The following ITGA9 variants were observed in gnomAD, a reference collection of about 807,000 sequenced individuals.
ITGA9 encodes integrin alpha-9.
ITGA9 carries 56 observed loss-of-function variants against 127.8 expected under a neutral mutation model. The observed-to-expected ratio is 0.44, with a 90% confidence interval of 0.35 to 0.55. ITGA9 has a LOEUF of 0.55. ITGA9 is among the 20% of genes least tolerant of loss of function. The probability of loss-of-function intolerance (pLI) is 0.00; values close to 1 mark genes in which losing one functional copy is unlikely to be tolerated. For missense variants in ITGA9, 1,196 were observed against 1,347.1 expected, an observed-to-expected ratio of 0.89 and a Z score of 1.76; for synonymous variants, 508 against 514.5, an observed-to-expected ratio of 0.99 and a Z score of 0.17.
At chr3:37,731,256 C>T (rs550945412) in intron 18 of ITGA9, among the ~76,000 whole-genome samples, 5 of 152,216 alleles carry the variant, frequency 3.3e-5, no homozygotes, top group African/African-American at 7.2e-5. Context: ...CTCGCACTCT[C>T]GCCCAGGCTG....
At chr3:37,699,572 A>G (rs1700924206) in intron 18 of ITGA9, among the ~76,000 whole-genome samples, 1 of 152,188 alleles carries the variant, frequency 6.6e-6, no homozygotes, top group Non-Finnish European at 1.5e-5. Flanking sequence ...AGCCTTCTTC[A>G]TAATTGGTTT....
In ITGA9 at chr3:37,642,996, A is replaced by G. The variant is rs374706603; in HGVS notation, c.1840-10718A>G. On this transcript the variant is annotated intron_variant, in intron 16 of 27. Transcript: ENST00000264741. The stretch of plus-strand genomic sequence containing the variant: ...AGGTTTATTTTCATTATTATATTTA[A>G]ACGTCTCTGCAGAAGGAATGGAAGG... 3.3e-5 allele frequency among the ~76,000 whole-genome samples: 5 copies of G among 152,272 alleles called. No homozygotes were observed. The South Asian group carries it at 1.0e-3, about 32-fold the overall frequency.
intron 22 of ITGA9, chr3:37,749,443 G>C (rs1032118422): frequency 6.6e-6 from 1 of 152,564 alleles, no homozygotes; most frequent in Non-Finnish European, 1.5e-5. Context: ...TCTTTGGGGG[G>C]CCTGTCATGC....
intron 18 of ITGA9, among the ~76,000 whole-genome samples, chr3:37,716,766 G>A (rs751640364): frequency 2.1e-4 from 32 of 151,818 alleles, no homozygotes; most frequent in Admixed American, 1.4e-3. Context: ...TGTGCAAGTC[G>A]TTTTAAACAG....
chr3:37,725,852 T>G (rs1334279262), intron 18 of ITGA9, among the ~76,000 whole-genome samples: 1 of 152,218 alleles, frequency 6.6e-6, no homozygotes, highest in Non-Finnish European at 1.5e-5. Flanking sequence ...TTAATTTGCC[T>G]GACAACACAT....
At chr3:37,492,191 A>G (rs893007759) in intron 4 of ITGA9, among the ~76,000 whole-genome samples, 2 of 151,948 alleles carry the variant, frequency 1.3e-5, no homozygotes, top group African/African-American at 4.8e-5. Flanking sequence ...TCTGATCTAG[A>G]TTTGATTATA....
chr3:37,763,449 C>T (rs1222502444), intron 23 of ITGA9, among the ~76,000 whole-genome samples: 1 of 152,180 alleles, frequency 6.6e-6, no homozygotes, highest in Non-Finnish European at 1.5e-5. Flanking sequence ...AAATGCCAGC[C>T]CCCATGCTGC....
chr3:37,771,016 T>C (rs1040776968), intron 23 of ITGA9, among the ~76,000 whole-genome samples: 1 of 152,166 alleles, frequency 6.6e-6, no homozygotes, highest in African/African-American at 2.4e-5. Context: ...CTCCTTTCCT[T>C]GTTTGGGTGC....
At chr3:37,709,981 C>G (rs1701060399) in intron 18 of ITGA9, among the ~76,000 whole-genome samples, 1 of 152,224 alleles carries the variant, frequency 6.6e-6, no homozygotes, top group Non-Finnish European at 1.5e-5. Flanking sequence ...GTGAAACTTT[C>G]ATTCTGACAG....
At chr3:37,619,917 G>A (rs1700111473) in intron 15 of ITGA9, among the ~76,000 whole-genome samples, 2 of 152,144 alleles carry the variant, frequency 1.3e-5, no homozygotes, top group Admixed American at 1.3e-4. Flanking sequence ...TTAGCTCACT[G>A]CTCTCCAAGG....
At chr3:37,477,406 C>T (rs1253785632) in intron 3 of ITGA9, among the ~76,000 whole-genome samples, 2 of 152,164 alleles carry the variant, frequency 1.3e-5, no homozygotes, top group Admixed American at 1.3e-4. Context: ...TGACCAAAGG[C>T]ATTATGTGGA....
At chr3:37,568,342 A>G (rs1191415542) in intron 15 of ITGA9, among the ~76,000 whole-genome samples, 1 of 152,100 alleles carries the variant, frequency 6.6e-6, no homozygotes, top group East Asian at 1.9e-4. Flanking sequence ...TTTTCCTCCT[A>G]GGCCTCCAGG....
intron 5 of ITGA9, among the ~76,000 whole-genome samples, chr3:37,499,203 G>A (rs1055527744): frequency 1.3e-5 from 2 of 152,230 alleles, no homozygotes; most frequent in Non-Finnish European, 2.9e-5. Flanking sequence ...ATACTGCTTA[G>A]CAGCAAGAGA....
intron 15 of ITGA9, among the ~76,000 whole-genome samples, chr3:37,625,729 C>T (rs773151817): frequency 9.2e-5 from 14 of 152,222 alleles, no homozygotes; most frequent in Admixed American, 1.3e-4. Context: ...AGCTGCATAT[C>T]CAAAAATGAA....
chr3:37,604,084 G>A (rs1404964644), intron 15 of ITGA9, among the ~76,000 whole-genome samples: 1 of 152,230 alleles, frequency 6.6e-6, no homozygotes, highest in African/African-American at 2.4e-5. Context: ...TCAGATGCTG[G>A]TTCTGTTGTA....
intron 18 of ITGA9, among the ~76,000 whole-genome samples, chr3:37,729,322 A>G (rs1358381619): frequency 2.0e-5 from 3 of 152,144 alleles, no homozygotes; most frequent in African/African-American, 7.2e-5. Flanking sequence ...CCCTTCCTGT[A>G]ACACCATCCC....
chr3:37,744,063 C>T (rs761378389), intron 22 of ITGA9, 29 bp downstream of exon 22: 63 of 1,445,400 alleles, frequency 4.4e-5, no homozygotes, highest in South Asian at 1.3e-4. Flanking sequence ...CTCCTCTGTC[C>T]GTGGGGGCTA....
intron 23 of ITGA9, among the ~76,000 whole-genome samples, chr3:37,755,476 A>G (rs1175942461): frequency 2.0e-5 from 3 of 152,324 alleles, no homozygotes; most frequent in Non-Finnish European, 4.4e-5. Context: ...AACAAGGCCA[A>G]CAGAAGGCTT....
intron 16 of ITGA9, among the ~76,000 whole-genome samples, chr3:37,642,939 G>C (rs1700346593): frequency 6.6e-6 from 1 of 152,222 alleles, no homozygotes; most frequent in Admixed American, 6.5e-5. Context: ...GAGGTGCCCA[G>C]CTGGCTTAAC....
Sources: allele counts gnomAD v4.1 joint callset (sites outside exome capture counted in the v4.1 genomes callset), GRCh38; gene constraint gnomAD v4.1.1; transcripts MANE v1.5; gene names NCBI Gene and HGNC (gene_info 2026-07-23, HGNC 2026-07-21).